The following RGS9 variants were observed in gnomAD, a reference collection of about 807,000 sequenced individuals.
RGS9 encodes the protein regulator of G-protein signalling 9.
RGS9 carries 78 observed loss-of-function variants against 102.0 expected under a neutral mutation model. The ratio of observed to expected loss-of-function variants is 0.76; its 90% CI spans 0.64 to 0.92. The LOEUF (loss-of-function observed/expected upper bound fraction) is 0.92, where lower values mean the gene tolerates loss of function less well. Among genes scored for constraint, RGS9 ranks in the 40% least tolerant of loss-of-function variants. RGS9 has a pLI of 0.00. For synonymous variants in RGS9, 353 were observed against 318.6 expected (o/e 1.11, Z -1.15); for missense variants, 833 against 866.1 (o/e 0.96, Z 0.48).
intron 16 of RGS9, among the ~76,000 whole-genome samples, chr17:65,209,373 C>T (rs1047490175): frequency 6.6e-6 from 1 of 150,784 alleles, no homozygotes; most frequent in Non-Finnish European, 1.5e-5. Flanking sequence ...CCTTCTTCTC[C>T]TTAAGATAGA....
At chr17:65,193,254 CA>C (rs377349682) in intron 11 of RGS9, among the ~76,000 whole-genome samples, 3,256 of 83,106 alleles carry the variant, frequency 0.039, 96 homozygotes, top group African/African-American at 0.11. Flanking sequence ...TTGGCTGTCT[CA>C]AAAAAAAAAA....
intron 16 of RGS9, among the ~76,000 whole-genome samples, chr17:65,209,681 A>G (rs1178195585): frequency 2.0e-5 from 3 of 152,210 alleles, no homozygotes; most frequent in Non-Finnish European, 4.4e-5. Flanking sequence ...CCACCAGCCC[A>G]CCAGCCCTCT....
Position 65,210,529 on chromosome 17 carries a change from C to T in RGS9, c.1331C>T (p.Pro444Leu). The change falls in exon 17 of 19, where the codon CCA becomes CTA. Residue 444 changes from proline to leucine, a missense_variant. Physicochemically the swap from Pro to Leu is moderately conservative, Grantham distance 98 (BLOSUM62 -3). Coordinates refer to ENST00000262406, the MANE Select transcript of RGS9 (RefSeq NM_003835.4). ...PFMRRHLRSS[P>L]SPVILRQLEE... ...ATGCGGCGTCACCTGCGCTCCAGCC[C>T]AAGCCCTGTCATCCTGAGACAGCTG... 1.2e-6 allele frequency: 2 copies of T among 1,614,024 alleles called. No individual in the cohort carries two copies. The highest frequency in any genetic ancestry group is 1.7e-6 in the Non-Finnish European group (2 of 1,180,038).
At chr17:65,209,197 C>T (rs946828251) in intron 16 of RGS9, among the ~76,000 whole-genome samples, 1 of 152,100 alleles carries the variant, frequency 6.6e-6, no homozygotes, top group Non-Finnish European at 1.5e-5. Flanking sequence ...GTGTCCATAC[C>T]AGGACTACAG....
intron 5 of RGS9, 48 bp downstream of exon 5, chr17:65,160,635 G>T (rs1316840915): frequency 1.3e-6 from 2 of 1,592,266 alleles, no homozygotes; most frequent in African/African-American, 2.7e-5. Flanking sequence ...TTAACATGCT[G>T]CTTATTTACT....
Position 65,167,086 on chromosome 17 carries a change from G to A in RGS9, c.501-1114G>A, listed in dbSNP as rs181978220. On this transcript the variant is annotated intron_variant, in intron 7 of 18. Transcript: ENST00000262406. ...AATGGTACAGAAGGGGGCCCACGGCGGGATCATTAGTGTTACTTTGCCCCT... is the reference window on the plus strand; with the variant it reads ...AATGGTACAGAAGGGGGCCCACGGCAGGATCATTAGTGTTACTTTGCCCCT... 2.8e-3 allele frequency among the ~76,000 whole-genome samples: 424 copies of A among 152,276 alleles called. 2 individuals are homozygous for A. The highest frequency in any genetic ancestry group is 9.6e-3 in the African/African-American group (397 of 41,544).
intron 7 of RGS9, among the ~76,000 whole-genome samples, chr17:65,166,464 G>A (rs1290538682): frequency 1.3e-5 from 2 of 152,142 alleles, no homozygotes; most frequent in African/African-American, 4.8e-5. Flanking sequence ...TCAAGGGCAG[G>A]GACTATGTTT....
intron 13 of RGS9, among the ~76,000 whole-genome samples, chr17:65,199,001 C>A (rs1912711953): frequency 6.6e-6 from 1 of 152,086 alleles, no homozygotes; most frequent in Non-Finnish European, 1.5e-5. Context: ...CCCACTAATT[C>A]CTTAGTGAGA....
intron 9 of RGS9, among the ~76,000 whole-genome samples, chr17:65,182,931 G>A (rs1911942153): frequency 6.6e-6 from 1 of 152,280 alleles, no homozygotes; most frequent in Non-Finnish European, 1.5e-5. Flanking sequence ...TTTGCACTGA[G>A]CCTTGCAAAT....
intron 7 of RGS9, among the ~76,000 whole-genome samples, chr17:65,164,118 G>T (rs8072595): frequency 0.021 from 3,177 of 152,246 alleles, 97 homozygotes; most frequent in African/African-American, 0.072. Context: ...TCAGGACAAG[G>T]TTAGCCTATC....
At chr17:65,146,403 C>A (rs561171233) in intron 1 of RGS9, among the ~76,000 whole-genome samples, 5 of 150,918 alleles carry the variant, frequency 3.3e-5, no homozygotes, top group Non-Finnish European at 7.4e-5. Context: ...TCCTGGCAAA[C>A]CTGGTGAAAC....
At chr17:65,206,776 A>G (rs1183448936) in intron 15 of RGS9, among the ~76,000 whole-genome samples, 1 of 152,230 alleles carries the variant, frequency 6.6e-6, no homozygotes, top group African/African-American at 2.4e-5. Flanking sequence ...TGGAACAGTC[A>G]TTGGTAACTG....
At chr17:65,158,221 C>A in intron 2 of RGS9, 74 bp from the exon 3 acceptor site, 1 of 1,401,634 alleles carries the variant, frequency 7.1e-7, no homozygotes, top group Non-Finnish European at 1.0e-6. Flanking sequence ...GGAGACCAGT[C>A]AGGCAACAGC....
chr17:65,146,039 C>T (rs1910346434), intron 1 of RGS9, among the ~76,000 whole-genome samples: 1 of 152,096 alleles, frequency 6.6e-6, no homozygotes, highest in Non-Finnish European at 1.5e-5. Flanking sequence ...TCTCATTATT[C>T]CTCCTCTGAA....
chr17:65,225,477 G>A lies in RGS9; in HGVS notation c.1883G>A (p.Arg628Lys), dbSNP rs895718170. The A allele has an allele frequency of 1.2e-6, 2 of 1,602,488 alleles. No individual in the cohort carries two copies. Among genetic ancestry groups the A allele is most frequent in the East Asian group, 2.2e-5 (1 of 44,876 alleles). ...GQQLPRLKSK[R>K]VANFFQIKMD... is the part of the protein sequence containing the mutation. ...CAGCTGCCACGATTGAAATCCAAGA[G>A]AGTAGCAAAGTAAGAACCCGAAGGG... Residue 628 changes from arginine (R) to lysine (K), a missense_variant, in exon 18 of 19, where the codon AGA (arginine) becomes AAA (lysine). By Grantham distance (26) the Arg-to-Lys change is conservative (BLOSUM62 2). Coordinates refer to ENST00000262406, the MANE Select transcript of RGS9 (RefSeq NM_003835.4).
chr17:65,215,346 T>C (rs1295767895), intron 17 of RGS9, among the ~76,000 whole-genome samples: 2 of 152,076 alleles, frequency 1.3e-5, no homozygotes, highest in East Asian at 1.9e-4. Context: ...AAGGTATTGA[T>C]TATGAAAGAG....
At position 65,177,191 on chromosome 17, in the gene RGS9, C is replaced by T. The variant is rs535108292; in HGVS notation, c.583-541C>T. Among the ~76,000 whole-genome samples, 18 of 150,378 alleles carry T rather than the reference C, an allele frequency of 1.2e-4. No individual in the cohort carries two copies. In the East Asian group the frequency reaches 1.4e-3, roughly 12 times the overall value. On this transcript the variant is annotated intron_variant, in intron 8 of 18. Transcript: ENST00000262406. ...CCATCCATCCACCCATCCATCCATCCGTTTATTCACCCACCCACCATCCAC... is the reference window on the plus strand; with the variant it reads ...CCATCCATCCACCCATCCATCCATCTGTTTATTCACCCACCCACCATCCAC...
At chr17:65,212,345 G>A (rs9907374) in intron 17 of RGS9, among the ~76,000 whole-genome samples, 8,106 of 152,246 alleles carry the variant, frequency 0.053, 729 homozygotes, top group African/African-American at 0.18. Flanking sequence ...GCCTGCCCAA[G>A]GATTATAAAG....
intron 12 of RGS9, among the ~76,000 whole-genome samples, 166 bp downstream of exon 12, chr17:65,193,822 A>G (rs1912475731): frequency 1.3e-5 from 2 of 152,146 alleles, no homozygotes; most frequent in Non-Finnish European, 2.9e-5. Flanking sequence ...GAAACCCTGG[A>G]CGCCCTCCAG....
Sources: allele counts gnomAD v4.1 joint callset (sites outside exome capture counted in the v4.1 genomes callset), GRCh38; gene constraint gnomAD v4.1.1; transcripts MANE v1.5; gene names NCBI Gene and HGNC (gene_info 2026-07-23, HGNC 2026-07-21).